EEA1: variants seen among roughly 807,000 people sequenced by gnomAD.
EEA1 encodes the protein early endosome antigen 1, 162kD.
Under a neutral mutation model 209.2 loss-of-function variants are expected in EEA1, and 111 were observed. That is an observed-to-expected ratio of 0.53 (90% confidence interval 0.45 to 0.62). The LOEUF is 0.62. Ranked by LOEUF, EEA1 falls within the 20% of genes least tolerant of loss-of-function variation. The pLI, the probability that EEA1 is intolerant of heterozygous loss-of-function variation, is 0.00. For synonymous variants in EEA1, 536 were observed against 540.6 expected (o/e 0.99, Z 0.12); for missense variants, 1,343 against 1,530.8 (o/e 0.88, Z 2.05).
chr12:92,846,261 C>A (rs1157394115), intron 9 of EEA1, among the ~76,000 whole-genome samples: 1 of 152,042 alleles, frequency 6.6e-6, no homozygotes, highest in Admixed American at 6.5e-5. Flanking sequence ...AATCACATTA[C>A]CTCAAGTTTA....
At chr12:92,913,112 T>C (rs915602992) in intron 1 of EEA1, among the ~76,000 whole-genome samples, 2 of 152,224 alleles carry the variant, frequency 1.3e-5, no homozygotes, top group Non-Finnish European at 2.9e-5. Flanking sequence ...CTTTGAGAAA[T>C]CTCCATACTG....
intron 3 of EEA1, among the ~76,000 whole-genome samples, chr12:92,861,929 T>C (rs749899994): frequency 2.0e-5 from 3 of 152,226 alleles, no homozygotes; most frequent in Non-Finnish European, 4.4e-5. Context: ...TTTTGTACTA[T>C]GTACATCTAC....
chr12:92,776,012 T>C lies in EEA1; in HGVS notation c.4235A>G (p.Ter1412=). The change falls in exon 29 of 29, where the codon TAA becomes TGA. Residue 1412 remains the stop codon, a stop_retained_variant. Transcript: ENST00000322349. ...TTACTCTGAAGTTGTGATAACCCAT[T>C]ATCCTTGCAAGTCATTGAAACATGC... is the stretch of plus-strand genomic sequence containing the variant. ...CDACFNDLQG[*] 1 of 1,610,306 alleles carries C rather than the reference T, an allele frequency of 6.2e-7. No individual in the cohort carries two copies.
chr12:92,837,220 G>A (rs76719237), intron 10 of EEA1, among the ~76,000 whole-genome samples: 2,829 of 151,668 alleles, frequency 0.019, 96 homozygotes, highest in African/African-American at 0.064. Context: ...TTTATGTAAT[G>A]TTCCTATTAA....
intron 5 of EEA1, among the ~76,000 whole-genome samples, chr12:92,855,279 A>C (rs1049082866): frequency 2.6e-5 from 4 of 152,230 alleles, no homozygotes; most frequent in Non-Finnish European, 4.4e-5. Context: ...AATACAAAAA[A>C]TTAGCCGGCC....
intron 3 of EEA1, among the ~76,000 whole-genome samples, chr12:92,861,370 G>A (rs555996707): frequency 1.3e-4 from 20 of 152,274 alleles, no homozygotes; most frequent in South Asian, 4.1e-4. Context: ...CAGGAGAATC[G>A]CTTGGACCCA....
intron 3 of EEA1, chr12:92,858,801 T>A (rs532910836): frequency 1.3e-6 from 1 of 786,660 alleles, no homozygotes; most frequent in Non-Finnish European, 2.3e-6. Context: ...TTGATGAGGA[T>A]ACAATCTACC....
At chr12:92,800,306 C>T (rs1352632630) in intron 20 of EEA1, among the ~76,000 whole-genome samples, 3 of 152,070 alleles carry the variant, frequency 2.0e-5, no homozygotes, top group African/African-American at 7.2e-5. Context: ...TTGTACAATC[C>T]ACTAGGATAT....
At chr12:92,893,239 A>T (rs1295498937) in intron 1 of EEA1, among the ~76,000 whole-genome samples, 1 of 152,224 alleles carries the variant, frequency 6.6e-6, no homozygotes, top group Admixed American at 6.5e-5. Context: ...AGAGCACAAA[A>T]ACTGACTCAA....
chr12:92,877,336 T>C (rs2136738140), intron 2 of EEA1, among the ~76,000 whole-genome samples: 1 of 151,926 alleles, frequency 6.6e-6, no homozygotes, highest in South Asian at 2.1e-4. Flanking sequence ...TTTAAAAGAA[T>C]AGATTCAATT....
chr12:92,858,046 C>T, intron 3 of EEA1: 1 of 393,836 alleles, frequency 2.5e-6, no homozygotes, highest in East Asian at 5.4e-5. Flanking sequence ...TGCTCCTTCT[C>T]AACGCCACTT....
intron 21 of EEA1, among the ~76,000 whole-genome samples, chr12:92,797,012 T>G (rs1216887180): frequency 6.6e-6 from 1 of 152,230 alleles, no homozygotes; most frequent in East Asian, 1.9e-4. Flanking sequence ...CTAGATTACT[T>G]ACAATACCTA....
chr12:92,891,629 C>T lies in EEA1; in HGVS notation c.117G>A (p.Glu39=). 1.3e-6 allele frequency: 2 copies of T among 1,592,300 alleles called. No individual in the cohort carries two copies. The highest frequency in any genetic ancestry group is 1.7e-6 in the Non-Finnish European group (2 of 1,170,282). Residue 39 remains glutamate, a splice_region_variant and synonymous_variant, in exon 2 of 29, where the codon GAG becomes GAA. Coordinates refer to ENST00000322349, the MANE Select transcript of EEA1 (RefSeq NM_003566.4). ...TVDVNNESSS[E]GFICPQCMKS... is the part of the protein sequence containing the mutation. ...TATTGCCAAGTTATTATTTTCATAC[C>T]TCTGAAGAGCTTTCATTATTGACGT...
intron 2 of EEA1, among the ~76,000 whole-genome samples, chr12:92,876,459 G>C (rs1288035051): frequency 2.0e-5 from 3 of 152,014 alleles, no homozygotes; most frequent in Non-Finnish European, 4.4e-5. Flanking sequence ...CTAACAAATG[G>C]GTAAAAGGGA....
At chr12:92,892,929 C>T (rs1285058904) in intron 1 of EEA1, among the ~76,000 whole-genome samples, 1 of 152,178 alleles carries the variant, frequency 6.6e-6, no homozygotes, top group Non-Finnish European at 1.5e-5. Flanking sequence ...AGCGCCCAGC[C>T]GGCAATAGTC....
chr12:92,899,237 A>C (rs1880053822), intron 1 of EEA1, among the ~76,000 whole-genome samples: 1 of 152,188 alleles, frequency 6.6e-6, no homozygotes, highest in African/African-American at 2.4e-5. Context: ...TAAGGCTTTC[A>C]TCCTCAGAGA....
At chr12:92,926,236 G>A (rs891760466) in intron 1 of EEA1, among the ~76,000 whole-genome samples, 3 of 151,794 alleles carry the variant, frequency 2.0e-5, no homozygotes, top group Middle Eastern at 3.4e-3. Context: ...CAGGTGATCC[G>A]CCCGTCTCGG....
intron 18 of EEA1, 116 bp from the exon 19 acceptor site, chr12:92,802,850 A>C: frequency 1.4e-6 from 1 of 740,490 alleles, no homozygotes; most frequent in Non-Finnish European, 2.1e-6. Flanking sequence ...TATAGTTCAC[A>C]AGTAAAAATA....
chr12:92,842,123 T>C (rs1435758767), intron 10 of EEA1, among the ~76,000 whole-genome samples: 3 of 152,128 alleles, frequency 2.0e-5, no homozygotes, highest in Admixed American at 6.5e-5. Context: ...TAACCCAAAG[T>C]TGAAAAAATT....
Sources: allele counts gnomAD v4.1 joint callset (sites outside exome capture counted in the v4.1 genomes callset), GRCh38; gene constraint gnomAD v4.1.1; transcripts MANE v1.5; gene names NCBI Gene and HGNC (gene_info 2026-07-23, HGNC 2026-07-21).